The following TRPS1 variants were observed in gnomAD, a reference collection of about 807,000 sequenced individuals.
TRPS1 encodes transcriptional repressor GATA binding 1, also known as zinc finger transcription factor Trps1.
A neutral mutation model predicts 101.2 loss-of-function variants in TRPS1; 6 were observed. The ratio of observed to expected loss-of-function variants is 0.06; its 90% CI spans 0.03 to 0.12. The LOEUF is 0.12. Among genes scored for constraint, TRPS1 ranks in the 10% least tolerant of loss-of-function variants. The pLI, the probability that TRPS1 is intolerant of heterozygous loss-of-function variation, is 1.00. For synonymous variants in TRPS1, 578 were observed against 589.8 expected, an observed-to-expected ratio of 0.98 and a Z score of 0.29; for missense variants, 1,363 against 1,567.0, an observed-to-expected ratio of 0.87 and a Z score of 2.20.
At chr8:115,572,962 C>T (rs1350140382) in intron 5 of TRPS1, among the ~76,000 whole-genome samples, 2 of 151,850 alleles carry the variant, frequency 1.3e-5, no homozygotes, top group Admixed American at 6.6e-5. Flanking sequence ...GGAGAAACCC[C>T]GTCTCTACTA....
chr8:115,478,472 A>T (rs1814661076), intron 5 of TRPS1, among the ~76,000 whole-genome samples: 1 of 152,168 alleles, frequency 6.6e-6, no homozygotes, highest in Non-Finnish European at 1.5e-5. Flanking sequence ...AATTTTCAAC[A>T]TGAGCACAAA....
At chr8:115,522,761 T>C (rs528693712) in intron 5 of TRPS1, among the ~76,000 whole-genome samples, 2 of 152,266 alleles carry the variant, frequency 1.3e-5, no homozygotes, top group Non-Finnish European at 2.9e-5. Context: ...AATAATACAT[T>C]GGTCTTACAG....
Position 115,418,287 on chromosome 8 carries a change from T to A in TRPS1, c.2823+43A>T. The A allele has an allele frequency of 6.2e-7, 1 of 1,613,852 alleles. No individual in the cohort carries two copies. Among genetic ancestry groups the A allele is most frequent in the Non-Finnish European group, 8.5e-7 (1 of 1,179,794 alleles). ...ATCACACCACAGACCAGGCCAACACTGCTTTATAAAGCTTTTCCTGAAAGA... is the reference window on the plus strand; with the variant it reads ...ATCACACCACAGACCAGGCCAACACAGCTTTATAAAGCTTTTCCTGAAAGA... On this transcript the variant is annotated intron_variant, in intron 6 of 6. Coordinates refer to ENST00000395715, the MANE Select transcript of TRPS1 (RefSeq NM_014112.5). The surrounding 1 kb of genome is among the most constrained non-coding windows in gnomAD (Gnocchi z 4.3).
At chr8:115,585,797 A>T (rs541713089) in intron 5 of TRPS1, among the ~76,000 whole-genome samples, 153 of 152,292 alleles carry the variant, frequency 1.0e-3, no homozygotes, top group African/African-American at 3.6e-3. Context: ...TACAGGGGGC[A>T]TCTCCTCTTC....
At chr8:115,616,022 C>T (rs1277171194) in intron 3 of TRPS1, among the ~76,000 whole-genome samples, 2 of 152,118 alleles carry the variant, frequency 1.3e-5, no homozygotes, top group East Asian at 3.9e-4. Flanking sequence ...GCCATTATAG[C>T]TTCTCTTGTT....
At chr8:115,596,791 T>C (rs1817796920) in intron 4 of TRPS1, among the ~76,000 whole-genome samples, 1 of 151,918 alleles carries the variant, frequency 6.6e-6, no homozygotes, top group South Asian at 2.1e-4. Context: ...TATGTATGTA[T>C]ATGTATGCAT....
chr8:115,464,125 A>G (rs1224295753), intron 5 of TRPS1, among the ~76,000 whole-genome samples: 1 of 151,604 alleles, frequency 6.6e-6, no homozygotes, highest in East Asian at 1.9e-4. Context: ...TTTTTTTTGC[A>G]TTTCAAAGTC....
chr8:115,481,608 C>T (rs184074874), intron 5 of TRPS1, among the ~76,000 whole-genome samples: 1 of 152,098 alleles, frequency 6.6e-6, no homozygotes, highest in Admixed American at 6.6e-5. Flanking sequence ...GAAATCTGAG[C>T]AACTACTTTC....
At position 115,410,368 on chromosome 8, in the gene TRPS1, T is replaced by C. The variant is rs1387129337; in HGVS notation, c.*3655A>G. 3.9e-5 allele frequency: 6 copies of C among 152,510 alleles called. No individual in the cohort carries two copies. The East Asian group carries it at 1.2e-3, about 29-fold the overall frequency. 9.4% of individuals were successfully genotyped at this position (152,510 alleles called of 1,614,324 possible). A position where few individuals can be genotyped will look rare whatever the true frequency, so the allele number is the denominator to read the frequency against. ...CAACAAAGAGCTGTTAAAGATACTT[T>C]TTTCCCTTCTCATTAATATTACCTT... is the stretch of plus-strand genomic sequence containing the variant. On this transcript the variant is annotated 3_prime_UTR_variant, in exon 7 of 7. Coordinates refer to ENST00000395715, the MANE Select transcript of TRPS1 (RefSeq NM_014112.5).
intron 5 of TRPS1, among the ~76,000 whole-genome samples, chr8:115,479,744 T>C (rs1325283803): frequency 6.6e-6 from 1 of 152,196 alleles, no homozygotes; most frequent in Non-Finnish European, 1.5e-5. Context: ...AAAGGAAAGT[T>C]CTTAAACAGA....
chr8:115,418,253 A>C lies in TRPS1; in HGVS notation c.2823+77T>G. 3 of 1,610,796 alleles carry C rather than the reference A, an allele frequency of 1.9e-6. No homozygotes were observed. The highest frequency in any genetic ancestry group is 2.7e-5 in the African/African-American group (2 of 74,980). On this transcript the variant is annotated intron_variant, in intron 6 of 6. Transcript: ENST00000395715. This position sits in a 1 kb window ranked among gnomAD's most constrained non-coding sequence, Gnocchi z 4.3. ...GGGGGCAGGCACTGCAAGCCAGGGA[A>C]TGGGACTTATCACACCACAGACCAG...
intron 5 of TRPS1, among the ~76,000 whole-genome samples, chr8:115,461,038 T>G (rs138210587): frequency 6.6e-6 from 1 of 152,208 alleles, no homozygotes; most frequent in African/African-American, 2.4e-5. Context: ...GGTTTCACAG[T>G]CTCACAAACA....
chr8:115,519,531 GA>G (rs1177611133), intron 5 of TRPS1, among the ~76,000 whole-genome samples: 2 of 151,410 alleles, frequency 1.3e-5, no homozygotes, highest in Non-Finnish European at 3.0e-5. Context: ...AAAAAATTAA[GA>G]GCGGAATTTT....
chr8:115,503,425 G>A (rs1815368319), intron 5 of TRPS1, among the ~76,000 whole-genome samples: 5 of 152,028 alleles, frequency 3.3e-5, no homozygotes, highest in Admixed American at 3.3e-4. Context: ...AATTGGGTAA[G>A]GCTATCTTGA....
intron 3 of TRPS1, among the ~76,000 whole-genome samples, chr8:115,616,653 T>G (rs1818282871): frequency 6.6e-6 from 1 of 152,210 alleles, no homozygotes; most frequent in Non-Finnish European, 1.5e-5. Flanking sequence ...TTCAATTAGC[T>G]TAAATTATGG....
chr8:115,494,284 C>T (rs1055370472), intron 5 of TRPS1, among the ~76,000 whole-genome samples: 2 of 152,206 alleles, frequency 1.3e-5, no homozygotes, highest in Non-Finnish European at 2.9e-5. Flanking sequence ...TTTCTTAATA[C>T]TTTGTTTCGT....
chr8:115,618,927 T>C (rs994970320), intron 3 of TRPS1, among the ~76,000 whole-genome samples: 1 of 152,162 alleles, frequency 6.6e-6, no homozygotes, highest in Non-Finnish European at 1.5e-5. Context: ...GCTAGGATTG[T>C]TTTCCACAAT....
At chr8:115,481,738 T>C (rs1814757332) in intron 5 of TRPS1, among the ~76,000 whole-genome samples, 1 of 152,176 alleles carries the variant, frequency 6.6e-6, no homozygotes, top group African/African-American at 2.4e-5. Flanking sequence ...GATAAGTATA[T>C]CTGCTGAGAC....
intron 5 of TRPS1, among the ~76,000 whole-genome samples, chr8:115,479,242 T>C (rs772002574): frequency 1.3e-5 from 2 of 152,228 alleles, no homozygotes; most frequent in Middle Eastern, 3.4e-3. Flanking sequence ...TATGATTGAA[T>C]TAAACATTTA....
Sources: allele counts gnomAD v4.1 joint callset (sites outside exome capture counted in the v4.1 genomes callset), GRCh38; gene constraint gnomAD v4.1.1; non-coding constraint Gnocchi (gnomAD v3.1); transcripts MANE v1.5; gene names NCBI Gene and HGNC (gene_info 2026-07-23, HGNC 2026-07-21).